Variants in CSRNP3 observed in about 807,000 individuals in gnomAD.
The protein encoded by CSRNP3 is cysteine and serine rich nuclear protein 3.
In CSRNP3, 12 loss-of-function variants were observed where a neutral mutation model predicts 48.0. The observed-to-expected ratio is 0.25, with a 90% CI of 0.16 to 0.41. CSRNP3 has a LOEUF of 0.41. Among genes scored for constraint, CSRNP3 ranks in the 10% least tolerant of loss-of-function variants. CSRNP3 has a pLI of 1.00. For synonymous variants in CSRNP3, 263 were observed against 269.7 expected, an observed-to-expected ratio of 0.98 and a Z score of 0.24; for missense variants, 580 against 724.4, an observed-to-expected ratio of 0.80 and a Z score of 2.29.
intron 6 of CSRNP3, among the ~76,000 whole-genome samples, 156 bp from the exon 7 acceptor site, chr2:165,678,545 C>T (rs934360539): frequency 3.3e-5 from 5 of 152,142 alleles, no homozygotes; most frequent in Non-Finnish European, 7.3e-5. Context: ...TCACTTTCCC[C>T]TTTTCATTTC....
chr2:165,476,949 G>A (rs1231369462), intron 1 of CSRNP3, among the ~76,000 whole-genome samples: 1 of 152,100 alleles, frequency 6.6e-6, no homozygotes, highest in African/African-American at 2.4e-5. Context: ...CTCAGTATTT[G>A]TAATGACTTC....
intron 2 of CSRNP3, among the ~76,000 whole-genome samples, chr2:165,514,543 A>G (rs1249413976): frequency 6.6e-6 from 1 of 152,256 alleles, no homozygotes; most frequent in South Asian, 2.1e-4. Flanking sequence ...TTGTTTTAAC[A>G]CAGTCTTACA....
chr2:165,621,670 G>A (rs1686342243), intron 4 of CSRNP3, among the ~76,000 whole-genome samples: 1 of 152,116 alleles, frequency 6.6e-6, no homozygotes, highest in African/African-American at 2.4e-5. Flanking sequence ...TTTAGTTCAA[G>A]TTATCATTAT....
chr2:165,655,655 A>G (rs1182001381), intron 4 of CSRNP3, among the ~76,000 whole-genome samples: 1 of 152,202 alleles, frequency 6.6e-6, no homozygotes, highest in Non-Finnish European at 1.5e-5. Context: ...GGGAGGCTAG[A>G]TGACCAAGGT....
rs1400229851 is a variant in CSRNP3, at chr2:165,679,535, C to T, written c.1540C>T (p.Pro514Ser). Residue 514 changes from proline to serine, a missense_variant, in exon 7 of 7, where the codon CCC becomes TCC. Pro to Ser is a moderately conservative substitution (Grantham distance 74). Coordinates refer to ENST00000651982, the MANE Select transcript of CSRNP3 (RefSeq NM_001172173.2). ...CTCTTCCGAAAATGATAGCGGTGTG[C>T]CCTGCAATAGTTTATATCCTGAACA... Reference protein sequence around the residue: ...CSSSENDSGVPCNSLYPEHRS... With the variant: ...CSSSENDSGVSCNSLYPEHRS... 10 of 1,613,656 alleles carry T rather than the reference C, an allele frequency of 6.2e-6. No homozygotes were observed. The highest frequency in any genetic ancestry group is 8.5e-6 in the Non-Finnish European group (10 of 1,179,964).
At chr2:165,540,165 C>G (rs951245379) in intron 3 of CSRNP3, among the ~76,000 whole-genome samples, 2 of 152,108 alleles carry the variant, frequency 1.3e-5, no homozygotes, top group South Asian at 4.1e-4. Flanking sequence ...TTCTCCCTCT[C>G]TTTTGCTCTA....
intron 2 of CSRNP3, among the ~76,000 whole-genome samples, chr2:165,515,338 C>CATATATATATATATATAT (rs60927595): frequency 7.0e-5 from 10 of 142,422 alleles, no homozygotes; most frequent in African/African-American, 2.3e-4. Flanking sequence ...AAAAAAAATA[C>CATATATATATATATATAT]ATATATATAT....
Position 165,678,747 on chromosome 2 carries a change from G to A in CSRNP3, c.752G>A (p.Ser251Asn). 6.2e-7 allele frequency: 1 copy of A among 1,614,086 alleles called. No individual in the cohort carries two copies. Among genetic ancestry groups the A allele is most frequent in the Non-Finnish European group, 8.5e-7 (1 of 1,179,990 alleles). ...FPCGCTKEGC[S>N]NTAGRIEFNP... is the part of the protein sequence containing the mutation. ...TGCGGCTGCACTAAAGAAGGATGTAGTAACACAGCAGGTAGAATTGAATTT... is the reference window on the plus strand; with the variant it reads ...TGCGGCTGCACTAAAGAAGGATGTAATAACACAGCAGGTAGAATTGAATTT... The change falls in exon 7 of 7, where the codon AGT (serine) becomes AAT (asparagine). Residue 251 changes from serine (S) to asparagine (N), a missense_variant. Ser to Asn is a conservative substitution (Grantham distance 46). This residue lies in a region of CSRNP3 where 66 missense variants were observed against 137.6 expected (regional missense o/e 0.48). Transcript: ENST00000651982.
At chr2:165,618,036 C>T (rs567663677) in intron 4 of CSRNP3, among the ~76,000 whole-genome samples, 70 of 152,306 alleles carry the variant, frequency 4.6e-4, no homozygotes, top group Admixed American at 1.2e-3. Context: ...CATGCTGCAG[C>T]GGCTTGAGTC....
chr2:165,526,391 A>T (rs1032251037), intron 3 of CSRNP3, among the ~76,000 whole-genome samples: 13 of 152,218 alleles, frequency 8.5e-5, no homozygotes, highest in African/African-American at 3.1e-4. Flanking sequence ...CATTATTAAA[A>T]TATGGAGTAT....
chr2:165,593,918 T>C (rs1221165420), intron 3 of CSRNP3, among the ~76,000 whole-genome samples: 1 of 152,182 alleles, frequency 6.6e-6, no homozygotes. Flanking sequence ...AAGTGAAAAT[T>C]TTCATACCTG....
chr2:165,646,231 G>T lies in CSRNP3; in HGVS notation c.149-11530G>T, dbSNP rs1440720082. On this transcript the variant is annotated intron_variant, in intron 4 of 6. Transcript: ENST00000651982. ...TCAAGATTTCATCCTTCCCAGCAAA[G>T]TTAAAAGTTCAAGTATGTGGTTTTG... Among the ~76,000 whole-genome samples the T allele has an allele frequency of 5.3e-5, 8 of 152,094 alleles. No homozygotes were observed. The South Asian group carries it at 1.4e-3, about 28-fold the overall frequency.
rs1684642872 is a variant in CSRNP3, at chr2:165,520,773, TATATATATATTATATATATATATATATA to T, written c.-24+2813_-24+2840del. Among the ~76,000 whole-genome samples, 35 of 58,494 alleles carry T rather than the reference TATATATATATTATATATATATATATATA, an allele frequency of 6.0e-4. 1 individual carries two copies. The highest frequency in any genetic ancestry group is 1.2e-3 in the Admixed American group (5 of 4,026). 38.4% of individuals were successfully genotyped at this position (58,494 alleles called of 152,430 possible). ...TAAATAGATATATAGAAATATATTATATATATATATTATATATATATATATATATATATATATATATATATATATATAT... is the reference window on the plus strand; with the variant it reads ...TAAATAGATATATAGAAATATATTATTATATATATATATATATATATATAT... On this transcript the variant is annotated intron_variant, in intron 3 of 6. Transcript: ENST00000651982.
chr2:165,499,438 G>A (rs192650052), intron 2 of CSRNP3, among the ~76,000 whole-genome samples: 170 of 152,254 alleles, frequency 1.1e-3, no homozygotes, highest in African/African-American at 3.7e-3. Context: ...GACAGTTGGT[G>A]CGATTTCTAA....
At chr2:165,655,048 T>G (rs1686979695) in intron 4 of CSRNP3, among the ~76,000 whole-genome samples, 1 of 152,210 alleles carries the variant, frequency 6.6e-6, no homozygotes, top group Non-Finnish European at 1.5e-5. Context: ...TAGCAGCCTC[T>G]ATATATTTGG....
intron 2 of CSRNP3, among the ~76,000 whole-genome samples, chr2:165,517,416 A>G (rs2390263): frequency 0.12 from 18,106 of 151,924 alleles, 1,351 homozygotes; most frequent in East Asian, 0.37. Flanking sequence ...TAAGCAAATC[A>G]AACAAATCAA....
chr2:165,507,455 A>T (rs943805104), intron 2 of CSRNP3, among the ~76,000 whole-genome samples: 22 of 152,112 alleles, frequency 1.4e-4, no homozygotes, highest in African/African-American at 4.8e-4. Context: ...TTATATTTTT[A>T]AAAAATCTTC....
intron 4 of CSRNP3, among the ~76,000 whole-genome samples, chr2:165,620,381 G>A (rs1686319558): frequency 6.6e-6 from 1 of 152,032 alleles, no homozygotes. Context: ...CTTAATTACA[G>A]GTCCAAAGTG....
rs1687490760 is a variant in CSRNP3, at chr2:165,679,430, G to C, written c.1435G>C (p.Asp479His). The C allele has an allele frequency of 1.2e-6, 2 of 1,612,974 alleles. No individual in the cohort carries two copies. The highest frequency in any genetic ancestry group is 1.7e-6 in the Non-Finnish European group (2 of 1,179,632). Residue 479 changes from aspartate (D) to histidine (H), a missense_variant, in exon 7 of 7, where the codon GAC becomes CAC. By Grantham distance (81) the Asp-to-His change is moderately conservative (BLOSUM62 -1). Around this residue, in one of 4 missense-constraint regions of CSRNP3, gnomAD observed 369 missense variants for 380.8 expected, o/e 0.97. Coordinates refer to ENST00000651982, the MANE Select transcript of CSRNP3 (RefSeq NM_001172173.2). Reference sequence around the variant, plus strand: ...CACCATGACCCCGGAGCAATTCGTTGACTATGCCCGACAAGCAGAAGAGGC... The same window carrying C: ...CACCATGACCCCGGAGCAATTCGTTCACTATGCCCGACAAGCAGAAGAGGC... ...PYTMTPEQFV[D>H]YARQAEEAYG...
Sources: gnomAD v4.1 joint callset for allele counts (sites outside exome capture counted in the v4.1 genomes callset) on GRCh38, gnomAD v4.1.1 for gene constraint, gnomAD v4.1.1 regional missense constraint, MANE v1.5 for transcripts, NCBI Gene and HGNC (gene_info 2026-07-23, HGNC 2026-07-21) for gene names.